The following ROBO2 variants were observed in gnomAD, a reference collection of about 807,000 sequenced individuals.
ROBO2 encodes roundabout homolog 2.
Under a neutral mutation model 160.8 loss-of-function variants are expected in ROBO2, and 53 were observed. The observed-to-expected ratio is 0.33, with a 90% CI of 0.26 to 0.41. The LOEUF is 0.41. Among genes scored for constraint, ROBO2 ranks in the 10% least tolerant of loss-of-function variants. ROBO2 has a pLI of 1.00. For synonymous variants in ROBO2, 664 were observed against 611.7 expected (o/e 1.09, Z -1.26); for missense variants, 1,577 against 1,722.4 (o/e 0.92, Z 1.49).
chr3:76,834,106 C>CTTTCTTTCTTTCTTTCTT (rs1559575263), intron 2 of ROBO2, among the ~76,000 whole-genome samples: 3 of 124,104 alleles, frequency 2.4e-5, no homozygotes, highest in African/African-American at 9.2e-5. Context: ...TTCTTTCTTT[C>CTTTCTTTCTTTCTTTCTT]TTTCTTTCTC....
At chr3:77,499,590 T>A (rs982101710) in intron 5 of ROBO2, among the ~76,000 whole-genome samples, 4 of 151,858 alleles carry the variant, frequency 2.6e-5, no homozygotes, top group African/African-American at 9.7e-5. Context: ...TTTCCTATCT[T>A]TGGCCATATG....
intron 1 of ROBO2, among the ~76,000 whole-genome samples, chr3:77,071,583 T>C (rs543600861): frequency 2.0e-5 from 3 of 152,296 alleles, no homozygotes; most frequent in South Asian, 2.1e-4. Flanking sequence ...TTGGAAAGCA[T>C]GGCTATTAAG....
chr3:77,037,030 A>G (rs1192102431), upstream of ROBO2, among the ~76,000 whole-genome samples: 1 of 151,990 alleles, frequency 6.6e-6, no homozygotes, highest in Non-Finnish European at 1.5e-5. Context: ...AAATATGCAC[A>G]TTTTTCTAGT....
chr3:77,395,815 A>G (rs2075225083), intron 2 of ROBO2, among the ~76,000 whole-genome samples: 2 of 152,046 alleles, frequency 1.3e-5, no homozygotes, highest in Non-Finnish European at 2.9e-5. Context: ...TTCACTATAC[A>G]TTTGTTGGAT....
chr3:76,414,286 C>T (rs956079612), intron 2 of ROBO2, among the ~76,000 whole-genome samples: 1 of 151,978 alleles, frequency 6.6e-6, no homozygotes, highest in African/African-American at 2.4e-5. Context: ...ATATTTTATT[C>T]CTAGCTTTCA....
intron 2 of ROBO2, among the ~76,000 whole-genome samples, chr3:77,269,254 ATGGATAACT>A (rs2059335080): frequency 6.6e-6 from 1 of 152,324 alleles, no homozygotes; most frequent in Admixed American, 6.5e-5. Context: ...TCTTATCAAC[ATGGATAACT>A]GATGTAGAAA....
At chr3:76,388,163 T>A (rs1232914924) in intron 2 of ROBO2, among the ~76,000 whole-genome samples, 2 of 151,554 alleles carry the variant, frequency 1.3e-5, no homozygotes, top group Non-Finnish European at 2.9e-5. Context: ...GTGTTATAAT[T>A]TTAACTTTTA....
chr3:76,690,869 A>G (rs1229125352), intron 2 of ROBO2, among the ~76,000 whole-genome samples: 4 of 152,050 alleles, frequency 2.6e-5, no homozygotes, highest in African/African-American at 7.2e-5. Context: ...TGTGCTATGC[A>G]TGTGCCTTCT....
At chr3:76,947,688 C>G (rs1259019363) in intron 2 of ROBO2, among the ~76,000 whole-genome samples, 1 of 150,164 alleles carries the variant, frequency 6.7e-6, no homozygotes, top group Admixed American at 6.7e-5. Context: ...ATTTCAAATT[C>G]CTGCAATCGA....
chr3:76,104,771 T>C (rs1160118327), intron 2 of ROBO2, among the ~76,000 whole-genome samples: 1 of 152,212 alleles, frequency 6.6e-6, no homozygotes, highest in East Asian at 1.9e-4. Context: ...AGATGTTAAT[T>C]GTTCATGTCT....
At chr3:77,474,748 T>C (rs1269661180) in intron 2 of ROBO2, among the ~76,000 whole-genome samples, 1 of 152,022 alleles carries the variant, frequency 6.6e-6, no homozygotes, top group Non-Finnish European at 1.5e-5. Flanking sequence ...ACCATTTTAG[T>C]TCTCTTAATC....
chr3:76,148,971 T>G (rs754781270), intron 2 of ROBO2, among the ~76,000 whole-genome samples: 2 of 152,098 alleles, frequency 1.3e-5, no homozygotes, highest in Admixed American at 6.6e-5. Flanking sequence ...CATATTTATC[T>G]CTCTCAGTCC....
chr3:76,120,624 CTACTT>C (rs2108286773), intron 2 of ROBO2, among the ~76,000 whole-genome samples: 1 of 152,270 alleles, frequency 6.6e-6, no homozygotes, highest in East Asian at 1.9e-4. Context: ...AAGGACCACT[CTACTT>C]TAAAGATCTT....
At chr3:76,054,975 G>C (rs915642792) in intron 2 of ROBO2, among the ~76,000 whole-genome samples, 1 of 152,178 alleles carries the variant, frequency 6.6e-6, no homozygotes, top group African/African-American at 2.4e-5. Context: ...CTGTTCTCAT[G>C]CTGCTAATAA....
chr3:76,963,296 A>G (rs2079806398), intron 2 of ROBO2, among the ~76,000 whole-genome samples: 1 of 152,138 alleles, frequency 6.6e-6, no homozygotes, highest in Non-Finnish European at 1.5e-5. Flanking sequence ...TTTTGCTTTA[A>G]TCACTTTCAA....
intron 2 of ROBO2, among the ~76,000 whole-genome samples, chr3:77,335,232 C>T (rs570590308): frequency 6.6e-6 from 1 of 152,170 alleles, no homozygotes; most frequent in South Asian, 2.1e-4. Flanking sequence ...CATGGTGAAA[C>T]CTTGTCTCTA....
intron 2 of ROBO2, among the ~76,000 whole-genome samples, chr3:76,685,523 C>T (rs532081813): frequency 6.6e-6 from 1 of 151,986 alleles, no homozygotes; most frequent in East Asian, 1.9e-4. Flanking sequence ...AATGGAGTTT[C>T]AACTCATTGT....
intron 2 of ROBO2, among the ~76,000 whole-genome samples, chr3:76,361,531 C>G (rs1426092419): frequency 6.6e-6 from 1 of 151,776 alleles, no homozygotes; most frequent in Non-Finnish European, 1.5e-5. Context: ...TTTTTGAGAG[C>G]AAAAACTTTT....
chr3:77,084,831 T>C (rs1047111158), intron 1 of ROBO2, among the ~76,000 whole-genome samples: 5 of 152,164 alleles, frequency 3.3e-5, no homozygotes, highest in Non-Finnish European at 7.4e-5. Context: ...AAAACGTTTA[T>C]TGCACTCACA....
Sources: gnomAD v4.1 joint callset for allele counts (sites outside exome capture counted in the v4.1 genomes callset) on GRCh38, gnomAD v4.1.1 for gene constraint, MANE v1.5 for transcripts, NCBI Gene and HGNC (gene_info 2026-07-23, HGNC 2026-07-21) for gene names.